USP6NL: variants seen among roughly 807,000 people sequenced by gnomAD.
The protein encoded by USP6NL is USP6 N-terminal-like protein.
Under a neutral mutation model 61.9 loss-of-function variants are expected in USP6NL, and 26 were observed. That is an observed-to-expected ratio of 0.42 (90% CI 0.31 to 0.58). The LOEUF is 0.58. Among genes scored for constraint, USP6NL ranks in the 20% least tolerant of loss-of-function variants. The probability of loss-of-function intolerance (pLI) is 0.16; values close to 1 mark genes in which losing one functional copy is unlikely to be tolerated. For missense variants in USP6NL, 1,114 were observed against 1,034.3 expected, an observed-to-expected ratio of 1.08 and a Z score of -1.06; for synonymous variants, 432 against 390.1, an observed-to-expected ratio of 1.11 and a Z score of -1.27.
intron 1 of USP6NL, among the ~76,000 whole-genome samples, chr10:11,610,691 T>C (rs1838860399): frequency 1.3e-5 from 2 of 151,804 alleles, no homozygotes; most frequent in South Asian, 4.2e-4. Context: ...CAACAAGCCT[T>C]CCCAGTCCAA....
rs1485122825 is a variant in USP6NL, at chr10:11,462,806, C to A, written c.2122G>T (p.Gly708Trp). ...GACCCTGAATTGCCCGAATATCCCC[C>A]AGCACCAGTGTCAACAGGGAGGACT... ...IEVLPVDTGAGGYSGNSGSPK... is the reference protein window; with the variant it reads ...IEVLPVDTGAWGYSGNSGSPK... The change falls in exon 15 of 15, where the codon GGG becomes TGG. Residue 708 changes from glycine (G) to tryptophan (W), a missense_variant. By Grantham distance (184) the Gly-to-Trp change is radical (BLOSUM62 -2). Coordinates refer to ENST00000609104, the MANE Select transcript of USP6NL (RefSeq NM_014688.5). 2.2e-5 allele frequency: 35 copies of A among 1,613,876 alleles called. No homozygotes were observed. Among genetic ancestry groups the A allele is most frequent in the Non-Finnish European group, 3.0e-5 (35 of 1,179,906 alleles).
chr10:11,547,672 C>T (rs1347174579), intron 2 of USP6NL, among the ~76,000 whole-genome samples: 1 of 152,082 alleles, frequency 6.6e-6, no homozygotes, highest in East Asian at 1.9e-4. Flanking sequence ...TCCCGAGTAG[C>T]TGGGACTACA....
At chr10:11,502,540 G>A (rs1396286228) in intron 6 of USP6NL, among the ~76,000 whole-genome samples, 1 of 152,074 alleles carries the variant, frequency 6.6e-6, no homozygotes, top group Non-Finnish European at 1.5e-5. Context: ...TATTATCATC[G>A]TAATATACTT....
intron 14 of USP6NL, among the ~76,000 whole-genome samples, chr10:11,475,169 T>G (rs1005996673): frequency 1.3e-5 from 2 of 152,058 alleles, no homozygotes; most frequent in African/African-American, 4.8e-5. Context: ...GGAAAACCAG[T>G]AAACAGAAAA....
intron 2 of USP6NL, among the ~76,000 whole-genome samples, chr10:11,554,966 ATT>A (rs764342021): frequency 1.1e-4 from 12 of 111,836 alleles, no homozygotes; most frequent in Non-Finnish European, 1.3e-4. Flanking sequence ...TGCCCGGCTA[ATT>A]TTTTTTTTTT....
At chr10:11,588,606 T>A (rs1442862311) in intron 2 of USP6NL, among the ~76,000 whole-genome samples, 1 of 152,074 alleles carries the variant, frequency 6.6e-6, no homozygotes, top group East Asian at 1.9e-4. Flanking sequence ...AGACACACAC[T>A]AATGAAAGAA....
In USP6NL at chr10:11,502,973, G is replaced by A. The variant is rs997904449; in HGVS notation, c.277-1765C>T. ...GACTCGCAACATTTGCCACATGCTC[G>A]ACAAGCATGTGTGGTTAAAAACAAG... On this transcript the variant is annotated intron_variant, in intron 6 of 14. Transcript: ENST00000609104. Among the ~76,000 whole-genome samples the A allele has an allele frequency of 7.2e-5, 11 of 152,226 alleles. No individual in the cohort carries two copies. The Middle Eastern group carries it at 0.01, about 141-fold the overall frequency.
At chr10:11,472,524 G>A (rs1832800595) in intron 14 of USP6NL, among the ~76,000 whole-genome samples, 2 of 152,214 alleles carry the variant, frequency 1.3e-5, no homozygotes, top group African/African-American at 4.8e-5. Flanking sequence ...ACAGTTTTCG[G>A]GAAGAATCGG....
In USP6NL at chr10:11,579,774, G is replaced by C. The variant is rs141142168; in HGVS notation, c.4+17857C>G. On this transcript the variant is annotated intron_variant, in intron 2 of 14. Transcript: ENST00000609104. ...TGTCCCTCATGGGGGAGATAGACTA[G>C]ATCTACAGTCTGCAAACATTTTCTA... Among the ~76,000 whole-genome samples, 100 of 147,796 alleles carry C rather than the reference G, an allele frequency of 6.8e-4. No individual in the cohort carries two copies. The Middle Eastern group carries it at 0.013, about 18-fold the overall frequency.
At chr10:11,466,846 T>C (rs1381408398) in intron 14 of USP6NL, among the ~76,000 whole-genome samples, 2 of 152,176 alleles carry the variant, frequency 1.3e-5, no homozygotes, top group African/African-American at 4.8e-5. Context: ...AACACAGTGG[T>C]AGGTATTTGT....
intron 1 of USP6NL, among the ~76,000 whole-genome samples, chr10:11,601,106 T>C (rs1838512019): frequency 6.6e-6 from 1 of 152,092 alleles, no homozygotes; most frequent in African/African-American, 2.4e-5. Flanking sequence ...GAAACTGAAA[T>C]TTCCATCAAC....
Position 11,463,962 on chromosome 10 carries a change from A to C in USP6NL, c.1079-113T>G. On this transcript the variant is annotated intron_variant, in intron 14 of 14. Transcript: ENST00000609104. The surrounding 1 kb of genome is among the most constrained non-coding windows in gnomAD (Gnocchi z 6.3). ...TTCATCTGTGCACAGATACACGCTGACATACAACACACTGTCATACAACAC... is the reference window on the plus strand; with the variant it reads ...TTCATCTGTGCACAGATACACGCTGCCATACAACACACTGTCATACAACAC... 1 of 962,794 alleles carries C rather than the reference A, an allele frequency of 1.0e-6. No homozygotes were observed. Among genetic ancestry groups the C allele is most frequent in the Admixed American group, 3.0e-5 (1 of 33,280 alleles). 59.6% of individuals were successfully genotyped at this position (962,794 alleles called of 1,614,324 possible).
chr10:11,552,718 G>A (rs904981587), intron 2 of USP6NL, among the ~76,000 whole-genome samples: 2 of 152,186 alleles, frequency 1.3e-5, no homozygotes, highest in Non-Finnish European at 2.9e-5. Context: ...TTTAGGTAAT[G>A]AAACACTTAT....
chr10:11,539,528 T>C (rs745613897), intron 2 of USP6NL, among the ~76,000 whole-genome samples: 4 of 152,224 alleles, frequency 2.6e-5, no homozygotes, highest in Non-Finnish European at 4.4e-5. Context: ...ATACCATTAC[T>C]ACTGAAGAGA....
chr10:11,472,088 G>A (rs1832776170), intron 14 of USP6NL, among the ~76,000 whole-genome samples: 1 of 152,076 alleles, frequency 6.6e-6, no homozygotes, highest in South Asian at 2.1e-4. Flanking sequence ...TCTCATTGGT[G>A]TTTGCCTAAG....
intron 1 of USP6NL, among the ~76,000 whole-genome samples, chr10:11,601,853 T>C (rs980493339): frequency 1.3e-5 from 2 of 152,204 alleles, no homozygotes; most frequent in Non-Finnish European, 2.9e-5. Flanking sequence ...TGTGCTGTCT[T>C]ATCTCAGCTG....
rs1017070060 is a variant in USP6NL, at chr10:11,470,238, T to A, written c.1079-6389A>T. 2.0e-5 allele frequency among the ~76,000 whole-genome samples: 3 copies of A among 151,626 alleles called. No individual in the cohort carries two copies. Among genetic ancestry groups the A allele is most frequent in the African/African-American group, 7.3e-5 (3 of 41,210 alleles). On this transcript the variant is annotated intron_variant, in intron 14 of 14. Transcript: ENST00000609104. This position sits in a 1 kb window ranked among gnomAD's most constrained non-coding sequence, Gnocchi z 5.4. ...GCAGAGGGCATGAGGATGGAGAAGG[T>A]GGAGGATGGAGGCAGCCGCAGGGAA...
rs1274124901 is a variant in USP6NL, at chr10:11,540,863, C to T, written c.5-13296G>A. 2.0e-5 allele frequency among the ~76,000 whole-genome samples: 3 copies of T among 152,156 alleles called. No individual in the cohort carries two copies. Among genetic ancestry groups the T allele is most frequent in the African/African-American group, 4.8e-5 (2 of 41,438 alleles). Reference sequence around the variant, plus strand: ...CATCCTTTGAGTTATGTAAGTATTACTGGGTCCCTGAATGGCCCTTGGGTT... The same window carrying T: ...CATCCTTTGAGTTATGTAAGTATTATTGGGTCCCTGAATGGCCCTTGGGTT... On this transcript the variant is annotated intron_variant, in intron 2 of 14. Transcript: ENST00000609104. This position sits in a 1 kb window ranked among gnomAD's most constrained non-coding sequence, Gnocchi z 5.0.
At chr10:11,573,372 C>T in intron 2 of USP6NL, 2 of 347,958 alleles carry the variant, frequency 5.7e-6, no homozygotes, top group Admixed American at 4.7e-5. Flanking sequence ...CAATAACCTC[C>T]CCTTACTCTG....
Sources: gnomAD v4.1 joint callset for allele counts (sites outside exome capture counted in the v4.1 genomes callset) on GRCh38, gnomAD v4.1.1 for gene constraint, Gnocchi (gnomAD v3.1) non-coding constraint, MANE v1.5 for transcripts, NCBI Gene and HGNC (gene_info 2026-07-23, HGNC 2026-07-21) for gene names.